Variants in LINGO2 observed in about 807,000 individuals in gnomAD.
The protein encoded by LINGO2 is leucine rich repeat and Ig domain containing 2.
Under a neutral mutation model 30.6 loss-of-function variants are expected in LINGO2, and 14 were observed. That is an observed-to-expected ratio of 0.46 (90% CI 0.30 to 0.72). LINGO2 has a LOEUF of 0.72. Among genes scored for constraint, LINGO2 ranks in the 30% least tolerant of loss-of-function variants. LINGO2 has a pLI of 0.07. For synonymous variants in LINGO2, 317 were observed against 288.5 expected (o/e 1.10, Z -1.00); for missense variants, 729 against 751.7 (o/e 0.97, Z 0.35).
chr9:28,052,035 G>A (rs993771014), intron 4 of LINGO2, among the ~76,000 whole-genome samples: 2 of 152,012 alleles, frequency 1.3e-5, no homozygotes, highest in African/African-American at 4.8e-5. Context: ...CTTGCACTAT[G>A]CTCTCTGCGT....
chr9:28,682,100 G>C, the LINGO2 span, among the ~76,000 whole-genome samples: 2 of 152,162 alleles, frequency 1.3e-5, no homozygotes, highest in East Asian at 3.9e-4. Context: ...GGGCATAGCG[G>C]TGAGATTTCT....
intron 2 of LINGO2, among the ~76,000 whole-genome samples, chr9:28,475,389 T>C (rs897891697): frequency 6.6e-6 from 1 of 152,128 alleles, no homozygotes; most frequent in African/African-American, 2.4e-5. Context: ...AAAATAACTG[T>C]CTCAGGGAGC....
rs1554650621 is a variant in LINGO2, at chr9:27,990,470, C to CCCG, written c.-36+21884_-36+21885insCGG. On this transcript the variant is annotated intron_variant, in intron 5 of 5. Coordinates refer to ENST00000379992, the Ensembl canonical transcript of LINGO2. ...ACTTCAGTGGTCTCAATACCCCCCC[C>CCCG]CCTTTTATTTTTAACTTCAGTAGTG... 1.9e-3 allele frequency among the ~76,000 whole-genome samples: 274 copies of CCCG among 146,956 alleles called. 2 individuals are homozygous for CCCG. The highest frequency in any genetic ancestry group is 6.5e-3 in the East Asian group (32 of 4,942).
intron 4 of LINGO2, among the ~76,000 whole-genome samples, chr9:28,233,824 G>A (rs1177269666): frequency 1.3e-5 from 2 of 152,162 alleles, no homozygotes; most frequent in Non-Finnish European, 2.9e-5. Flanking sequence ...ACATTTCTAG[G>A]CAAGTCCTGG....
chr9:28,362,204 T>A (rs1335642094), intron 3 of LINGO2, among the ~76,000 whole-genome samples: 2 of 125,612 alleles, frequency 1.6e-5, no homozygotes, highest in Admixed American at 8.0e-5. Context: ...ATGGTGTAAA[T>A]TGTGTGTGTA....
Position 28,072,309 on chromosome 9 carries a change from A to G in LINGO2, c.-86-59904T>C, listed in dbSNP as rs534890509. On this transcript the variant is annotated intron_variant, in intron 4 of 5. Transcript: ENST00000379992. ...AATGCAGCTGCAAGCACACATTTCAACCTTCTTTAGGGGTGTTCCCAAGAG... is the reference window on the plus strand; with the variant it reads ...AATGCAGCTGCAAGCACACATTTCAGCCTTCTTTAGGGGTGTTCCCAAGAG... Among the ~76,000 whole-genome samples the G allele has an allele frequency of 7.0e-4, 107 of 152,306 alleles. 1 individual carries two copies. Among genetic ancestry groups the G allele is most frequent in the African/African-American group, 2.5e-3 (102 of 41,576 alleles).
chr9:28,888,750 G>A, the LINGO2 span: 3 of 430,580 alleles, frequency 7.0e-6, no homozygotes, highest in East Asian at 2.1e-4. Flanking sequence ...GAATTATTTT[G>A]CATTTTCAAC....
the LINGO2 span, among the ~76,000 whole-genome samples, chr9:28,675,912 T>TATATATATATATAC: frequency 7.5e-6 from 1 of 133,510 alleles, no homozygotes; most frequent in Non-Finnish European, 1.5e-5. Context: ...TATGTATATA[T>TATATATATATATAC]ATATATATAT....
At chr9:27,954,586 T>G (rs1819473427) in intron 5 of LINGO2, among the ~76,000 whole-genome samples, 2 of 152,160 alleles carry the variant, frequency 1.3e-5, no homozygotes. Context: ...TCTTTATCCA[T>G]TCATTTGTTG....
At chr9:28,485,739 C>T (rs1826143285) in intron 1 of LINGO2, among the ~76,000 whole-genome samples, 1 of 152,090 alleles carries the variant, frequency 6.6e-6, no homozygotes, top group Admixed American at 6.6e-5. Flanking sequence ...CACATATTTC[C>T]ACCCTGCTTA....
At chr9:28,828,599 C>A in the LINGO2 span, among the ~76,000 whole-genome samples, 2 of 151,590 alleles carry the variant, frequency 1.3e-5, no homozygotes, top group African/African-American at 4.8e-5. Flanking sequence ...GTAGAGGCAA[C>A]CTTTTTTTTT....
At chr9:28,602,624 G>T (rs1201253128) in intron 1 of LINGO2, among the ~76,000 whole-genome samples, 1 of 152,060 alleles carries the variant, frequency 6.6e-6, no homozygotes, top group Admixed American at 6.6e-5. Flanking sequence ...ATATAGTAAA[G>T]ACATACTTAT....
chr9:28,512,053 G>A (rs915821551), intron 1 of LINGO2, among the ~76,000 whole-genome samples: 1 of 141,820 alleles, frequency 7.1e-6, no homozygotes, highest in Non-Finnish European at 1.5e-5. Flanking sequence ...AGGCGTGGAG[G>A]CCATGGGCAT....
intron 1 of LINGO2, among the ~76,000 whole-genome samples, chr9:28,602,973 G>A (rs1276238897): frequency 6.6e-6 from 1 of 152,074 alleles, no homozygotes; most frequent in Non-Finnish European, 1.5e-5. Flanking sequence ...ATAGAAAGCA[G>A]TTGTTCTTAT....
chr9:27,944,614 G>C (rs1276737925), downstream of LINGO2: 2 of 152,114 alleles, frequency 1.3e-5, no homozygotes, highest in African/African-American at 2.4e-5. Context: ...AAACATCAAG[G>C]GTTCTAGCTG....
intron 4 of LINGO2, among the ~76,000 whole-genome samples, chr9:28,107,818 C>T (rs1159796773): frequency 6.6e-6 from 1 of 151,992 alleles, no homozygotes. Context: ...TATAAAACAC[C>T]TCATATGCTT....
intron 4 of LINGO2, among the ~76,000 whole-genome samples, chr9:28,089,420 A>G (rs975982655): frequency 8.5e-5 from 13 of 152,284 alleles, no homozygotes; most frequent in Middle Eastern, 6.8e-3. Flanking sequence ...CTCACTCAAA[A>G]CTGCTCAACT....
chr9:28,463,106 T>G (rs1825149402), intron 2 of LINGO2, among the ~76,000 whole-genome samples: 1 of 152,050 alleles, frequency 6.6e-6, no homozygotes, highest in Non-Finnish European at 1.5e-5. Flanking sequence ...CGCTTTTTTT[T>G]TTCCTATCAA....
At chr9:28,855,450 C>A in the LINGO2 span, among the ~76,000 whole-genome samples, 8 of 151,918 alleles carry the variant, frequency 5.3e-5, no homozygotes, top group Non-Finnish European at 1.2e-4. Context: ...AGATCTTAGT[C>A]TTTATAAAAT....
Sources: gnomAD v4.1 joint callset for allele counts (sites outside exome capture counted in the v4.1 genomes callset) on GRCh38, gnomAD v4.1.1 for gene constraint, MANE v1.5 for transcripts, NCBI Gene and HGNC (gene_info 2026-07-23, HGNC 2026-07-21) for gene names.